Variants in HACD3 observed in about 807,000 individuals in gnomAD.
HACD3 encodes the protein 3-hydroxyacyl-CoA dehydratase 3.
HACD3 carries 30 observed loss-of-function variants against 55.2 expected under a neutral mutation model. The ratio of observed to expected loss-of-function variants is 0.54; its 90% confidence interval spans 0.41 to 0.74. The LOEUF (loss-of-function observed/expected upper bound fraction) is 0.74. Among genes scored for constraint, HACD3 ranks in the 30% least tolerant of loss-of-function variants. HACD3 has a pLI of 0.00. For missense variants in HACD3, 363 were observed against 440.1 expected (o/e 0.82, Z 1.57); for synonymous variants, 141 against 151.7 (o/e 0.93, Z 0.52).
intron 1 of HACD3, among the ~76,000 whole-genome samples, chr15:65,535,335 A>G (rs149113851): frequency 7.2e-5 from 11 of 152,352 alleles, no homozygotes; most frequent in Non-Finnish European, 1.5e-5. Flanking sequence ...AAGAACACCT[A>G]CAGACCAATA....
At chr15:65,543,656 T>A (rs891650836) in intron 1 of HACD3, among the ~76,000 whole-genome samples, 1 of 152,170 alleles carries the variant, frequency 6.6e-6, no homozygotes, top group African/African-American at 2.4e-5. Flanking sequence ...AGATCATGGC[T>A]TCTACATTAC....
chr15:65,560,908 A>ACAAGACAT (rs1272583072), intron 5 of HACD3, among the ~76,000 whole-genome samples: 1 of 151,536 alleles, frequency 6.6e-6, no homozygotes, highest in African/African-American at 2.4e-5. Flanking sequence ...TGAAAGTTTC[A>ACAAGACAT]CAAGACATTA....
At chr15:65,559,997 A>G (rs1397501592) in intron 5 of HACD3, among the ~76,000 whole-genome samples, 1 of 151,428 alleles carries the variant, frequency 6.6e-6, no homozygotes, top group Non-Finnish European at 1.5e-5. Flanking sequence ...AATTAGCTAA[A>G]TGTTGCTAGA....
At chr15:65,531,243 C>T (rs555673409) in intron 1 of HACD3, 1 of 152,682 alleles carries the variant, frequency 6.5e-6, no homozygotes, top group Non-Finnish European at 1.5e-5. Context: ...ACACCCACCT[C>T]GCAACCGTTC....
chr15:65,564,549 G>T (rs969188020), intron 7 of HACD3: 3 of 568,120 alleles, frequency 5.3e-6, no homozygotes, highest in Non-Finnish European at 5.9e-6. Context: ...CACTTCTTAC[G>T]TGGTGGCGGC....
intron 1 of HACD3, chr15:65,535,673 T>A (rs780369349): frequency 2.5e-5 from 11 of 431,720 alleles, no homozygotes; most frequent in Non-Finnish European, 4.1e-5. Flanking sequence ...TCTGGTGATC[T>A]GTGATCAGTG....
At chr15:65,552,299 A>T (rs77187920) in intron 2 of HACD3, among the ~76,000 whole-genome samples, 1,770 of 140,500 alleles carry the variant, frequency 0.013, 28 homozygotes, top group African/African-American at 0.036. Flanking sequence ...TGCTTTTTTT[A>T]AAAAAAAATT....
At chr15:65,530,751 G>T in intron 1 of HACD3, 33 bp downstream of exon 1, 2 of 1,522,668 alleles carry the variant, frequency 1.3e-6, no homozygotes, top group South Asian at 1.2e-5. Flanking sequence ...GGAAGCGCGC[G>T]GGATCGCGGC....
At position 65,544,031 on chromosome 15, in the gene HACD3, C is replaced by G. The variant is rs1481912733; in HGVS notation, c.88-7645C>G. Among the ~76,000 whole-genome samples the G allele has an allele frequency of 2.6e-5, 4 of 151,908 alleles. No individual in the cohort carries two copies. The East Asian group carries it at 7.7e-4, about 29-fold the overall frequency. ...CTCTACTAAAAATACAAAAAAATTA[C>G]CCGGGCCTGGTGGTGGGCGCCTGTA... On this transcript the variant is annotated intron_variant, in intron 1 of 10. Transcript: ENST00000261875.
At position 65,570,120 on chromosome 15, in the gene HACD3, C is replaced by T; in HGVS notation, c.690C>T (p.Ile230=). Residue 230 remains isoleucine, a synonymous_variant, in exon 8 of 11, where the codon ATC becomes ATT. Transcript: ENST00000261875. Reference sequence around the variant, plus strand: ...TTGGAAGAAATTTTATTTTGTTTATCATCTTTGGCACCATGGAAGAAATGC... The same window carrying T: ...TTGGAAGAAATTTTATTTTGTTTATTATCTTTGGCACCATGGAAGAAATGC... ...QLLGRNFILF[I]IFGTMEEMQN... is the part of the protein sequence containing the mutation. The T allele has an allele frequency of 6.2e-7, 1 of 1,609,736 alleles. No homozygotes were observed. Among genetic ancestry groups the T allele is most frequent in the Non-Finnish European group, 8.5e-7 (1 of 1,177,756 alleles).
At chr15:65,569,180 G>A (rs1443449123) in intron 7 of HACD3, among the ~76,000 whole-genome samples, 1 of 150,680 alleles carries the variant, frequency 6.6e-6, no homozygotes, top group Non-Finnish European at 1.5e-5. Context: ...CCCGGGAGGC[G>A]GAGCTTGCAG....
chr15:65,535,846 G>A (rs1157119774), intron 1 of HACD3: 3 of 590,716 alleles, frequency 5.1e-6, no homozygotes, highest in Admixed American at 2.9e-5. Flanking sequence ...TACCTGCCTA[G>A]CTAATTTTCA....
chr15:65,562,381 G>A (rs1299342306), intron 5 of HACD3, among the ~76,000 whole-genome samples: 1 of 151,640 alleles, frequency 6.6e-6, no homozygotes, highest in East Asian at 1.9e-4. Context: ...GAGGCCTAAA[G>A]TGTCCCAACA....
chr15:65,570,748 A>T (rs1011803381), intron 8 of HACD3, among the ~76,000 whole-genome samples: 2 of 152,004 alleles, frequency 1.3e-5, no homozygotes, highest in Non-Finnish European at 2.9e-5. Context: ...GACCATACAC[A>T]CTCCATATGT....
At chr15:65,569,298 ACTC>A (rs2072325889) in intron 7 of HACD3, among the ~76,000 whole-genome samples, 1 of 151,908 alleles carries the variant, frequency 6.6e-6, no homozygotes, top group Non-Finnish European at 1.5e-5. Flanking sequence ...CTGGCCCGTA[ACTC>A]TGAGTAAGAA....
rs73486711 is a variant in HACD3, at chr15:65,576,727, C to G, written c.*348C>G. On this transcript the variant is annotated 3_prime_UTR_variant, in exon 11 of 11. Coordinates refer to ENST00000261875, the MANE Select transcript of HACD3 (RefSeq NM_016395.4). ...CCCTACAATGTACTGACAGTTCTTA[C>G]AGTTGAGATTTGTTCTTTTCAGCTA... 1,979 of 216,126 alleles carry G rather than the reference C, an allele frequency of 9.2e-3. 45 individuals are homozygous for G. Among genetic ancestry groups the G allele is most frequent in the African/African-American group, 0.044 (1,886 of 43,060 alleles). 13.4% of individuals were successfully genotyped at this position (216,126 alleles called of 1,614,324 possible).
Position 65,568,611 on chromosome 15 carries a change from G to A in HACD3, c.661-1480G>A, listed in dbSNP as rs1015420909. Among the ~76,000 whole-genome samples the A allele has an allele frequency of 3.9e-5, 6 of 151,952 alleles. No individual in the cohort carries two copies. The South Asian group carries it at 1.0e-3, about 26-fold the overall frequency. On this transcript the variant is annotated intron_variant, in intron 7 of 10. Transcript: ENST00000261875. ...TGACCTCAAATGATCTGCCAGCCTC[G>A]GCCTCCCAAAGTGCTGGGATTACAG...
intron 10 of HACD3, 33 bp from the exon 11 acceptor site, chr15:65,576,268 ACT>A (rs1448358226): frequency 2.4e-5 from 37 of 1,557,916 alleles, no homozygotes; most frequent in Non-Finnish European, 2.9e-5. Flanking sequence ...ATAGACAAAG[ACT>A]CTAATTTCTA....
chr15:65,541,049 T>C (rs1364015860), intron 1 of HACD3, among the ~76,000 whole-genome samples: 1 of 152,122 alleles, frequency 6.6e-6, no homozygotes, highest in African/African-American at 2.4e-5. Flanking sequence ...ACAACTGAAA[T>C]GATTAAGACT....
Sources: allele counts gnomAD v4.1 joint callset (sites outside exome capture counted in the v4.1 genomes callset), GRCh38; gene constraint gnomAD v4.1.1; transcripts MANE v1.5; gene names NCBI Gene and HGNC (gene_info 2026-07-23, HGNC 2026-07-21).